Variants in MOB3A observed in about 807,000 individuals in gnomAD.
The protein encoded by MOB3A is MOB kinase activator 3A.
Under a neutral mutation model 17.8 loss-of-function variants are expected in MOB3A, and 17 were observed. The observed-to-expected ratio is 0.95, with a 90% CI of 0.65 to 1.43. MOB3A has a LOEUF of 1.43. Ranked by LOEUF, MOB3A falls within the 40% of genes most tolerant of loss-of-function variation. The pLI is 0.00. For synonymous variants in MOB3A, 124 were observed against 133.2 expected (o/e 0.93, Z 0.48); for missense variants, 333 against 310.8 (o/e 1.07, Z -0.54).
intron 2 of MOB3A, among the ~76,000 whole-genome samples, chr19:2,083,878 C>A (rs1432738282): frequency 5.9e-5 from 9 of 152,168 alleles, no homozygotes; most frequent in Non-Finnish European, 7.3e-5. Context: ...TGGGAGGAGA[C>A]CCCCTACCTG....
chr19:2,077,042 C>T, intron 3 of MOB3A, 29 bp from the exon 4 acceptor site: 3 of 1,588,990 alleles, frequency 1.9e-6, no homozygotes, highest in Non-Finnish European at 1.7e-6. Flanking sequence ...GACGGGTCCA[C>T]GGACTCAGCC....
intron 3 of MOB3A, 97 bp downstream of exon 3, chr19:2,078,043 C>T (rs2145720515): frequency 7.7e-7 from 1 of 1,300,526 alleles, no homozygotes. Context: ...CTCGGCCTCC[C>T]AAAGCGCTGG....
intron 2 of MOB3A, among the ~76,000 whole-genome samples, chr19:2,080,777 T>C (rs1217547664): frequency 1.3e-5 from 2 of 152,132 alleles, no homozygotes; most frequent in Non-Finnish European, 2.9e-5. Context: ...ACCACAAATT[T>C]CAGGCTGAAA....
Position 2,095,287 on chromosome 19 carries a change from C to G in MOB3A, c.-274+939G>C, listed in dbSNP as rs527904135. On this transcript the variant is annotated intron_variant, in intron 1 of 4. Coordinates refer to ENST00000357066, the MANE Select transcript of MOB3A (RefSeq NM_130807.3). Reference sequence around the variant, plus strand: ...GGAGCACTGATTTTCTGCTCTGTGACTGCATTTTCCAATTTCCCCTCCCCT... The same window carrying G: ...GGAGCACTGATTTTCTGCTCTGTGAGTGCATTTTCCAATTTCCCCTCCCCT... The G allele has an allele frequency of 8.5e-5, 13 of 152,532 alleles. No individual in the cohort carries two copies. In the East Asian group the frequency reaches 2.5e-3, roughly 29 times the overall value. The allele number at this position is 152,532 out of a possible 1,614,324, so 9.4% of individuals were successfully genotyped here. A position where few individuals can be genotyped will look rare whatever the true frequency, so the allele number is the denominator to read the frequency against.
At chr19:2,080,577 A>G (rs548964841) in intron 2 of MOB3A, among the ~76,000 whole-genome samples, 3 of 152,050 alleles carry the variant, frequency 2.0e-5, no homozygotes, top group Non-Finnish European at 4.4e-5. Flanking sequence ...GGGTTTTACC[A>G]TGCTGGCCAG....
intron 3 of MOB3A, among the ~76,000 whole-genome samples, chr19:2,077,568 T>C (rs1268708523): frequency 1.3e-5 from 2 of 152,020 alleles, no homozygotes. Context: ...ATGATCCTGG[T>C]GGGCCCAGGG....
At chr19:2,077,643 C>G (rs1268084864) in intron 3 of MOB3A, among the ~76,000 whole-genome samples, 1 of 151,962 alleles carries the variant, frequency 6.6e-6, no homozygotes, top group Non-Finnish European at 1.5e-5. Context: ...GGGTGCTTGT[C>G]TCCTCTGCGA....
In MOB3A at chr19:2,071,470, G is replaced by C. The variant is rs1032559957; in HGVS notation, c.*1925C>G. 6.6e-5 allele frequency: 10 copies of C among 152,328 alleles called. No homozygotes were observed. The highest frequency in any genetic ancestry group is 2.4e-4 in the African/African-American group (10 of 41,434). The allele number at this position is 152,328 out of a possible 1,614,324, so 9.4% of individuals were successfully genotyped here. A position where few individuals can be genotyped will look rare whatever the true frequency, so the allele number is the denominator to read the frequency against. The stretch of plus-strand genomic sequence containing the variant: ...AGACGGGGACAGCGTGCTTCTCTTC[G>C]GTGACCATCCCAGGCGCCCAGAGGT... On this transcript the variant is annotated 3_prime_UTR_variant, in exon 5 of 5. Transcript: ENST00000357066.
rs1442075684 is a variant in MOB3A, at chr19:2,073,226, G to A, written c.*169C>T. 12 of 734,924 alleles carry A rather than the reference G, an allele frequency of 1.6e-5. No homozygotes were observed. The East Asian group carries it at 2.0e-4, about 12-fold the overall frequency. The allele number at this position is 734,924 out of a possible 1,614,324, so 45.5% of individuals were successfully genotyped here. Reference sequence around the variant, plus strand: ...AGGCTCGAGACTGAGGAAGGCATCTGCCGTCCGGGGTTGGAGCTCCTGAGG... The same window carrying A: ...AGGCTCGAGACTGAGGAAGGCATCTACCGTCCGGGGTTGGAGCTCCTGAGG... On this transcript the variant is annotated 3_prime_UTR_variant, in exon 5 of 5. Coordinates refer to ENST00000357066, the MANE Select transcript of MOB3A (RefSeq NM_130807.3).
chr19:2,076,679 C>T, intron 4 of MOB3A, 132 bp downstream of exon 4: 1 of 860,676 alleles, frequency 1.2e-6, no homozygotes, highest in Non-Finnish European at 1.8e-6. Flanking sequence ...GTCCCCGGGG[C>T]CCAACTCCAG....
intron 2 of MOB3A, among the ~76,000 whole-genome samples, chr19:2,080,323 G>A (rs1040715253): frequency 3.9e-5 from 6 of 152,022 alleles, no homozygotes; most frequent in East Asian, 3.9e-4. Flanking sequence ...TGGGCTCCAC[G>A]CAACGCTCAC....
In MOB3A at chr19:2,071,736, T is replaced by C. The variant is rs116204589; in HGVS notation, c.*1659A>G. 7.6e-3 allele frequency: 1,155 copies of C among 152,680 alleles called. 19 individuals are homozygous for C. Among genetic ancestry groups the C allele is most frequent in the African/African-American group, 0.026 (1,077 of 41,580 alleles). The allele number at this position is 152,680 out of a possible 1,614,324, so 9.5% of individuals were successfully genotyped here. On this transcript the variant is annotated 3_prime_UTR_variant, in exon 5 of 5. Coordinates refer to ENST00000357066, the MANE Select transcript of MOB3A (RefSeq NM_130807.3). The stretch of plus-strand genomic sequence containing the variant: ...CAGAAAAAGGGGTTCAACTGGAAGT[T>C]TGCAGCATCTGGGAAAGGCCAATTC...
intron 2 of MOB3A, among the ~76,000 whole-genome samples, chr19:2,080,455 G>A (rs983043869): frequency 1.3e-5 from 2 of 151,784 alleles, no homozygotes; most frequent in African/African-American, 2.4e-5. Flanking sequence ...TCAGCTCACT[G>A]CAGCCTCCAC....
At chr19:2,083,461 G>C (rs563620020) in intron 2 of MOB3A, among the ~76,000 whole-genome samples, 32 of 152,182 alleles carry the variant, frequency 2.1e-4, no homozygotes, top group Non-Finnish European at 3.8e-4. Flanking sequence ...GGAAAATGCC[G>C]GCCACCTCCA....
At position 2,073,427 on chromosome 19, in the gene MOB3A, G is replaced by A. The variant is rs756895525; in HGVS notation, c.625-3C>T. Reference sequence around the variant, plus strand: ...CACATCCGGGCGGTCATTTCTTTCTGTAAAGAGCAAGCAAGACATCAGCTC... The same window carrying A: ...CACATCCGGGCGGTCATTTCTTTCTATAAAGAGCAAGCAAGACATCAGCTC... On this transcript the variant is annotated splice_region_variant and splice_polypyrimidine_tract_variant and intron_variant, in intron 4 of 4. Transcript: ENST00000357066. 1.9e-6 allele frequency: 3 copies of A among 1,613,854 alleles called. No homozygotes were observed.
At position 2,076,819 on chromosome 19, in the gene MOB3A, C is replaced by G. The variant is rs750088021; in HGVS notation, c.616G>C (p.Glu206Gln). The change falls in exon 4 of 5, where the codon GAG becomes CAG. Residue 206 changes from glutamate (E) to glutamine (Q), a missense_variant. Coordinates refer to ENST00000357066, the MANE Select transcript of MOB3A (RefSeq NM_130807.3). ...EFGLIDTKEL[E>Q]PLKEMTARMC... ...GCCCCAAGCCCGCGCACCAGTGGCTCCAGCTCCTTGGTGTCGATGAGGCCG... is the reference window on the plus strand; with the variant it reads ...GCCCCAAGCCCGCGCACCAGTGGCTGCAGCTCCTTGGTGTCGATGAGGCCG... 5.6e-6 allele frequency: 9 copies of G among 1,613,754 alleles called. No homozygotes were observed. Among genetic ancestry groups the G allele is most frequent in the South Asian group, 1.1e-5 (1 of 91,070 alleles).
At chr19:2,080,041 C>T (rs996338459) in intron 2 of MOB3A, among the ~76,000 whole-genome samples, 1 of 152,218 alleles carries the variant, frequency 6.6e-6, no homozygotes, top group Admixed American at 6.5e-5. Context: ...GTGCCGGGCT[C>T]ACGCTCACCA....
rs2144930840 is a variant in MOB3A, at chr19:2,085,172, T to G, written c.-120+3A>C. The G allele has an allele frequency of 6.6e-6, 1 of 152,200 alleles. No homozygotes were observed. The highest frequency in any genetic ancestry group is 1.9e-4 in the East Asian group (1 of 5,178). The allele number at this position is 152,200 out of a possible 1,614,324, so 9.4% of individuals were successfully genotyped here. On this transcript the variant is annotated splice_donor_region_variant and intron_variant, in intron 2 of 4. Coordinates refer to ENST00000357066, the MANE Select transcript of MOB3A (RefSeq NM_130807.3). Reference sequence around the variant, plus strand: ...TTGTCCCCTGAGGCCGGGGGCAGGTTACCGTGTCTGGGGCTCCCTCCGCTC... The same window carrying G: ...TTGTCCCCTGAGGCCGGGGGCAGGTGACCGTGTCTGGGGCTCCCTCCGCTC...
chr19:2,094,784 C>T (rs1280158769), intron 1 of MOB3A, among the ~76,000 whole-genome samples: 1 of 152,236 alleles, frequency 6.6e-6, no homozygotes, highest in Non-Finnish European at 1.5e-5. Flanking sequence ...AACATTTATC[C>T]AACCATCTGC....
Sources: allele counts gnomAD v4.1 joint callset (sites outside exome capture counted in the v4.1 genomes callset), GRCh38; gene constraint gnomAD v4.1.1; transcripts MANE v1.5; gene names NCBI Gene and HGNC (gene_info 2026-07-23, HGNC 2026-07-21).